The following PCDHA8 variants were observed in gnomAD, a reference collection of about 807,000 sequenced individuals.
PCDHA8 encodes protocadherin alpha-8.
Under a neutral mutation model 61.8 loss-of-function variants are expected in PCDHA8, and 53 were observed. That is an observed-to-expected ratio of 0.86 (90% confidence interval 0.69 to 1.08). PCDHA8 has a LOEUF of 1.08. Ranked by LOEUF, PCDHA8 falls within the 50% of genes least tolerant of loss-of-function variation. The pLI, the probability that PCDHA8 is intolerant of heterozygous loss-of-function variation, is 0.00. For missense variants in PCDHA8, 1,293 were observed against 1,245.0 expected, an observed-to-expected ratio of 1.04 and a Z score of -0.58; for synonymous variants, 618 against 556.6, an observed-to-expected ratio of 1.11 and a Z score of -1.55.
At chr5:140,946,868 T>C (rs1468330981) in intron 1 of PCDHA8, among the ~76,000 whole-genome samples, 1 of 151,412 alleles carries the variant, frequency 6.6e-6, no homozygotes, top group Admixed American at 6.6e-5. Context: ...GAGAGGTTGG[T>C]CAATGGGTAC....
intron 1 of PCDHA8, chr5:140,850,485 A>G: frequency 1.3e-6 from 2 of 1,597,954 alleles, no homozygotes; most frequent in Non-Finnish European, 1.7e-6. Context: ...GGCCACGGCC[A>G]CTGTGCTGGT....
chr5:140,963,941 G>A lies in PCDHA8; in HGVS notation c.2395-15008G>A, dbSNP rs1434019587. Among the ~76,000 whole-genome samples the A allele has an allele frequency of 7.9e-5, 12 of 152,320 alleles. No homozygotes were observed. In the East Asian group the frequency reaches 9.6e-4, roughly 12 times the overall value. On this transcript the variant is annotated intron_variant, in intron 1 of 3. Coordinates refer to ENST00000531613, the MANE Select transcript of PCDHA8 (RefSeq NM_018911.3). ...TAAGTAACATGTCCATAGCCAAACAGTTAGTCACTGGCAGGAGTGTGACTG... is the reference window on the plus strand; with the variant it reads ...TAAGTAACATGTCCATAGCCAAACAATTAGTCACTGGCAGGAGTGTGACTG...
chr5:140,969,672 A>C (rs1251717537), intron 1 of PCDHA8, among the ~76,000 whole-genome samples: 2 of 152,198 alleles, frequency 1.3e-5, no homozygotes, highest in African/African-American at 4.8e-5. Context: ...TAATGTTATG[A>C]GACTCAAGGA....
At position 140,864,130 on chromosome 5, in the gene PCDHA8, G is replaced by A. The variant is rs1269875416; in HGVS notation, c.2394+20415G>A. ...TAGTAATAATGAATTAGACTGAGTG[G>A]CTGTTTCCTGTAAATGAGAAAGTTA... On this transcript the variant is annotated intron_variant, in intron 1 of 3. Coordinates refer to ENST00000531613, the MANE Select transcript of PCDHA8 (RefSeq NM_018911.3). 3 of 152,238 alleles carry A rather than the reference G, an allele frequency of 2.0e-5. No individual in the cohort carries two copies. The East Asian group carries it at 5.8e-4, about 29-fold the overall frequency. 9.4% of individuals were successfully genotyped at this position (152,238 alleles called of 1,614,324 possible).
chr5:140,967,854 C>T (rs782783470), intron 1 of PCDHA8: 1 of 1,614,154 alleles, frequency 6.2e-7, no homozygotes, highest in South Asian at 1.1e-5. Flanking sequence ...GACAATGCCC[C>T]AGAGGTGGTG....
intron 1 of PCDHA8, among the ~76,000 whole-genome samples, chr5:140,956,378 G>A (rs1317429422): frequency 5.9e-5 from 9 of 152,072 alleles, no homozygotes; most frequent in African/African-American, 1.7e-4. Context: ...GAATTTTATC[G>A]AAGGCCTTTT....
At chr5:140,946,038 G>T (rs782421286) in intron 1 of PCDHA8, among the ~76,000 whole-genome samples, 29 of 152,042 alleles carry the variant, frequency 1.9e-4, no homozygotes, top group Non-Finnish European at 4.0e-4. Flanking sequence ...CAAGAGTGAA[G>T]GGACAATCCA....
At chr5:140,927,259 C>G (rs1262444613) in intron 1 of PCDHA8, 5 of 1,614,042 alleles carry the variant, frequency 3.1e-6, no homozygotes, top group Non-Finnish European at 3.4e-6. Flanking sequence ...CAACTCACCT[C>G]TCTTTCCTGC....
chr5:140,841,603 G>A lies in PCDHA8; in HGVS notation c.282G>A (p.Glu94=), dbSNP rs2150319062. ...TGAATTCTCGGATCGACCGCGAGGA[G>A]CTGTGCGGGCGGAGCGCGGAGTGCA... is the stretch of plus-strand genomic sequence containing the variant. The part of the protein sequence containing the change: ...LFVNSRIDRE[E]LCGRSAECSI... The change falls in exon 1 of 4, where the codon GAG becomes GAA. Residue 94 remains glutamate (E), a synonymous_variant. Coordinates refer to ENST00000531613, the MANE Select transcript of PCDHA8 (RefSeq NM_018911.3). 34 of 1,614,038 alleles carry A rather than the reference G, an allele frequency of 2.1e-5. No individual in the cohort carries two copies. The highest frequency in any genetic ancestry group is 1.1e-4 in the East Asian group (5 of 44,890).
Position 140,881,064 on chromosome 5 carries a change from T to C in PCDHA8, c.2394+37349T>C, listed in dbSNP as rs191524582. On this transcript the variant is annotated intron_variant, in intron 1 of 3. Transcript: ENST00000531613. ...AGAGTTGTGCACAGAACAGGCCAGA[T>C]AATTATTGGAGCTATGATATATTTT... Among the ~76,000 whole-genome samples, 392 of 152,302 alleles carry C rather than the reference T, an allele frequency of 2.6e-3. 1 individual carries two copies. The highest frequency in any genetic ancestry group is 9.1e-3 in the African/African-American group (379 of 41,556).
chr5:140,883,378 C>A, intron 1 of PCDHA8: 1 of 1,614,146 alleles, frequency 6.2e-7, no homozygotes. Context: ...CCATTATTGC[C>A]CTAATCAGTG....
At chr5:140,881,325 A>G in intron 1 of PCDHA8, 4 of 984,454 alleles carry the variant, frequency 4.1e-6, no homozygotes, top group Non-Finnish European at 4.8e-6. Flanking sequence ...ATTCTATTTA[A>G]CCAGGACGCC....
intron 1 of PCDHA8, chr5:140,850,145 G>T: frequency 1.3e-6 from 2 of 1,595,560 alleles, no homozygotes; most frequent in South Asian, 1.1e-5. Context: ...GCAACGTGAC[G>T]CTGCAGGTGT....
chr5:141,002,689 T>C (rs2098092113), intron 3 of PCDHA8, among the ~76,000 whole-genome samples: 1 of 152,186 alleles, frequency 6.6e-6, no homozygotes, highest in African/African-American at 2.4e-5. Context: ...GACGTGCAGA[T>C]TTGTTTAACT....
At chr5:140,951,395 G>A (rs1036290024) in intron 1 of PCDHA8, among the ~76,000 whole-genome samples, 1 of 152,030 alleles carries the variant, frequency 6.6e-6, no homozygotes, top group African/African-American at 2.4e-5. Flanking sequence ...AATTTATAAA[G>A]AAAAGAGGTT....
At chr5:140,891,052 A>T (rs1554184638) in intron 1 of PCDHA8, among the ~76,000 whole-genome samples, 1 of 152,200 alleles carries the variant, frequency 6.6e-6, no homozygotes, top group Non-Finnish European at 1.5e-5. Flanking sequence ...CCCACAGCAC[A>T]TAGTAAATAT....
chr5:140,862,647 C>T (rs2047469341), intron 1 of PCDHA8: 12 of 541,942 alleles, frequency 2.2e-5, no homozygotes, highest in South Asian at 1.7e-4. Context: ...TCACAGTGTC[C>T]GCGCGGGACC....
chr5:140,876,732 C>T, intron 1 of PCDHA8: 1 of 1,614,246 alleles, frequency 6.2e-7, no homozygotes, highest in South Asian at 1.1e-5. Context: ...GCGTGTCGGC[C>T]TATGAGCTGG....
intron 1 of PCDHA8, chr5:140,851,797 G>A (rs1349130494): frequency 3.1e-6 from 3 of 953,270 alleles, no homozygotes; most frequent in Non-Finnish European, 2.5e-6. Flanking sequence ...CACTTGTTCT[G>A]TCAGTAATCC....
Sources: allele counts gnomAD v4.1 joint callset (sites outside exome capture counted in the v4.1 genomes callset), GRCh38; gene constraint gnomAD v4.1.1; transcripts MANE v1.5; gene names NCBI Gene and HGNC (gene_info 2026-07-23, HGNC 2026-07-21).